Variants in SSH2 observed in about 807,000 individuals in gnomAD.
SSH2 encodes protein phosphatase Slingshot homolog 2.
In SSH2, 37 loss-of-function variants were observed where a neutral mutation model predicts 135.2. The ratio of observed to expected loss-of-function variants is 0.27; its 90% confidence interval spans 0.21 to 0.36. The LOEUF is 0.36. SSH2 is among the 10% of genes least tolerant of loss of function. SSH2 has a pLI of 1.00. For synonymous variants in SSH2, 628 were observed against 646.2 expected, an observed-to-expected ratio of 0.97 and a Z score of 0.43; for missense variants, 1,408 against 1,765.3, an observed-to-expected ratio of 0.80 and a Z score of 3.63.
rs893761224 is a variant in SSH2, at chr17:29,833,637, GTTT to G, written c.144+15209_144+15211del. On this transcript the variant is annotated intron_variant, in intron 2 of 15. Transcript: ENST00000540801. ...GTTGTCATTTTGTTATTTGTTTTCT[GTTT>G]TTTTTTCCTTCCTTCCTTCCTTCCT... Among the ~76,000 whole-genome samples the G allele has an allele frequency of 2.1e-5, 3 of 144,202 alleles. No homozygotes were observed. The South Asian group carries it at 6.6e-4, about 32-fold the overall frequency. 94.6% of individuals were successfully genotyped at this position (144,202 alleles called of 152,430 possible).
intron 14 of SSH2, among the ~76,000 whole-genome samples, chr17:29,642,041 A>G (rs1253609858): frequency 6.6e-6 from 1 of 152,042 alleles, no homozygotes; most frequent in African/African-American, 2.4e-5. Context: ...AAAGGAAGAG[A>G]AAAAGCATTA....
intron 3 of SSH2, among the ~76,000 whole-genome samples, chr17:29,746,644 A>G (rs978731633): frequency 6.6e-6 from 1 of 152,036 alleles, no homozygotes; most frequent in African/African-American, 2.4e-5. Context: ...GTATATTAAC[A>G]TTAAGAGAAA....
chr17:29,852,645 G>A (rs2065584389), intron 1 of SSH2, among the ~76,000 whole-genome samples: 1 of 151,506 alleles, frequency 6.6e-6, no homozygotes, highest in Non-Finnish European at 1.5e-5. Context: ...TCCGCCTCCT[G>A]GGTTCAAGCA....
chr17:29,890,944 C>T (rs947227228), intron 1 of SSH2, among the ~76,000 whole-genome samples: 1 of 151,814 alleles, frequency 6.6e-6, no homozygotes. Context: ...TTAGTAGAGA[C>T]GGGGTTTCAT....
chr17:29,666,609 C>T (rs181405949), intron 11 of SSH2, among the ~76,000 whole-genome samples: 66 of 152,090 alleles, frequency 4.3e-4, no homozygotes, highest in Admixed American at 1.6e-3. Context: ...CTTGAACCCG[C>T]GAGGCAGAGA....
At chr17:29,908,294 A>G (rs1365979490) in intron 1 of SSH2, among the ~76,000 whole-genome samples, 3 of 151,392 alleles carry the variant, frequency 2.0e-5, no homozygotes, top group Non-Finnish European at 4.4e-5. Context: ...TCTCCAAAAA[A>G]ATAAAAAATA....
At chr17:29,637,843 G>A (rs778251192) in intron 14 of SSH2, among the ~76,000 whole-genome samples, 9 of 151,716 alleles carry the variant, frequency 5.9e-5, no homozygotes, top group African/African-American at 9.7e-5. Flanking sequence ...GCCGGCTGCC[G>A]TGGCTCATGC....
chr17:29,670,825 A>C (rs1230693842), intron 9 of SSH2, among the ~76,000 whole-genome samples: 2 of 152,132 alleles, frequency 1.3e-5, no homozygotes, highest in African/African-American at 4.8e-5. Context: ...AAAAACCATG[A>C]ACTGTTTTGG....
At chr17:29,736,054 G>A (rs1302496475) in intron 3 of SSH2, among the ~76,000 whole-genome samples, 2 of 151,954 alleles carry the variant, frequency 1.3e-5, no homozygotes, top group African/African-American at 2.4e-5. Flanking sequence ...CCGAGATTGC[G>A]CCACTGCAGT....
At chr17:29,877,855 G>T (rs555659078) in intron 1 of SSH2, among the ~76,000 whole-genome samples, 1 of 152,154 alleles carries the variant, frequency 6.6e-6, no homozygotes, top group South Asian at 2.1e-4. Context: ...TTGGGAATTT[G>T]GCAGACTGCT....
chr17:29,760,397 T>C (rs2041253120), intron 3 of SSH2, among the ~76,000 whole-genome samples: 1 of 152,178 alleles, frequency 6.6e-6, no homozygotes, highest in African/African-American at 2.4e-5. Flanking sequence ...GATTTAAGGA[T>C]GGAACCTGAA....
At chr17:29,635,268 G>T (rs188886397) in intron 15 of SSH2, among the ~76,000 whole-genome samples, 25 of 149,292 alleles carry the variant, frequency 1.7e-4, no homozygotes, top group African/African-American at 5.9e-4. Context: ...ATTCACACAT[G>T]TCTAGTCTTT....
rs774099774 is a variant in SSH2, at chr17:29,631,981, C to T, written c.3213G>A (p.Val1071=). ...EKSGEQGLRK[V]NMEKSVTVLC... is the part of the protein sequence containing the mutation. ...GCACAGTGACAGATTTTTCCATGTT[C>T]ACTTTCCTCAGCCCTTGCTCTCCGC... Residue 1071 remains valine (V), a synonymous_variant, in exon 16 of 16, where the codon GTG becomes GTA. Transcript: ENST00000540801. 1 of 1,614,206 alleles carries T rather than the reference C, an allele frequency of 6.2e-7. No individual in the cohort carries two copies. Among genetic ancestry groups the T allele is most frequent in the South Asian group, 1.1e-5 (1 of 91,080 alleles).
At chr17:29,727,986 G>T (rs529217150) in intron 3 of SSH2, among the ~76,000 whole-genome samples, 3 of 152,240 alleles carry the variant, frequency 2.0e-5, no homozygotes, top group African/African-American at 7.2e-5. Context: ...TTCGAGACAA[G>T]CCTGGCCAAC....
At chr17:29,781,849 CTT>C (rs1014699258) in intron 3 of SSH2, among the ~76,000 whole-genome samples, 2 of 151,168 alleles carry the variant, frequency 1.3e-5, no homozygotes, top group African/African-American at 4.9e-5. Context: ...CTCTCTCTCT[CTT>C]TCTTTCTTAA....
chr17:29,701,404 C>CT (rs55721735), intron 4 of SSH2, among the ~76,000 whole-genome samples: 322 of 90,312 alleles, frequency 3.6e-3, no homozygotes, highest in East Asian at 7.1e-3. Context: ...GTGCCTGGCT[C>CT]TTTTTTTTTT....
chr17:29,667,088 C>G, intron 10 of SSH2, 42 bp downstream of exon 10: 1 of 1,603,936 alleles, frequency 6.2e-7, no homozygotes, highest in East Asian at 2.2e-5. Context: ...ACTGTTATCC[C>G]ACTGCTAGCC....
In SSH2 at chr17:29,635,818, A is replaced by G. The variant is rs561486952; in HGVS notation, c.2262+150T>C. The G allele has an allele frequency of 1.6e-3, 1,094 of 704,794 alleles. 5 individuals are homozygous for G. Among genetic ancestry groups the G allele is most frequent in the Middle Eastern group, 8.4e-3 (21 of 2,490 alleles). The allele number at this position is 704,794 out of a possible 1,614,324, so 43.7% of individuals were successfully genotyped here. A position where few individuals can be genotyped will look rare whatever the true frequency, so the allele number is the denominator to read the frequency against. ...TGACACCAGAAAGGTAAATTCCCAA[A>G]AGGCAAATTATTTAAAAAATATTTA... On this transcript the variant is annotated intron_variant, in intron 15 of 15. Transcript: ENST00000540801.
chr17:29,871,122 T>C (rs2065930145), intron 1 of SSH2, among the ~76,000 whole-genome samples: 1 of 152,070 alleles, frequency 6.6e-6, no homozygotes. Context: ...GCTAACAGGG[T>C]TATGGGGCAT....
Sources: allele counts gnomAD v4.1 joint callset (sites outside exome capture counted in the v4.1 genomes callset), GRCh38; gene constraint gnomAD v4.1.1; transcripts MANE v1.5; gene names NCBI Gene and HGNC (gene_info 2026-07-23, HGNC 2026-07-21).